Variants in MAGI2 observed in about 807,000 individuals in gnomAD.
MAGI2 encodes the protein membrane-associated guanylate kinase, WW and PDZ domain-containing protein 2.
In MAGI2, 35 loss-of-function variants were observed where a neutral mutation model predicts 133.3. That is an observed-to-expected ratio of 0.26 (90% CI 0.20 to 0.35). The LOEUF (loss-of-function observed/expected upper bound fraction) is 0.35. MAGI2 is among the 10% of genes least tolerant of loss of function. MAGI2 has a pLI of 1.00. For synonymous variants in MAGI2, 729 were observed against 710.6 expected (o/e 1.03, Z -0.41); for missense variants, 1,636 against 1,863.4 (o/e 0.88, Z 2.25).
rs528513970 is a variant in MAGI2, at chr7:79,110,450, G to A, written c.302-103244C>T. Among the ~76,000 whole-genome samples, 5 of 152,268 alleles carry A rather than the reference G, an allele frequency of 3.3e-5. 1 individual carries two copies. In the South Asian group the frequency reaches 1.0e-3, roughly 32 times the overall value. On this transcript the variant is annotated intron_variant, in intron 1 of 21. Transcript: ENST00000354212. ...TTAAGATTTAATGACTGCCTTGATG[G>A]GTTTCAAACTTGCATGGGGCCTATA...
intron 2 of MAGI2, among the ~76,000 whole-genome samples, chr7:78,730,078 C>G (rs1244231563): frequency 6.6e-6 from 1 of 152,040 alleles, no homozygotes; most frequent in Non-Finnish European, 1.5e-5. Flanking sequence ...AAATGCAACT[C>G]AAATTACAAG....
At chr7:78,640,003 CT>C (rs891302480) in intron 2 of MAGI2, among the ~76,000 whole-genome samples, 1 of 152,114 alleles carries the variant, frequency 6.6e-6, no homozygotes, top group Non-Finnish European at 1.5e-5. Context: ...TGATTTCTGC[CT>C]TTTTTGAGAT....
intron 2 of MAGI2, among the ~76,000 whole-genome samples, chr7:78,975,217 A>G (rs1804141526): frequency 2.0e-5 from 3 of 151,738 alleles, no homozygotes; most frequent in Admixed American, 1.3e-4. Context: ...ATCTAACAAG[A>G]GCAAGCGATA....
At chr7:78,528,651 T>C (rs1797182520) in intron 3 of MAGI2, among the ~76,000 whole-genome samples, 1 of 152,190 alleles carries the variant, frequency 6.6e-6, no homozygotes, top group Non-Finnish European at 1.5e-5. Flanking sequence ...TGCAGAATTC[T>C]TTTGTCAACC....
At chr7:79,311,667 G>A (rs1032413792) in intron 1 of MAGI2, among the ~76,000 whole-genome samples, 2 of 151,902 alleles carry the variant, frequency 1.3e-5, no homozygotes, top group African/African-American at 4.8e-5. Context: ...ATGTACTCCA[G>A]CCAGACCATT....
At chr7:79,249,633 T>C (rs978287098) in intron 1 of MAGI2, among the ~76,000 whole-genome samples, 10 of 152,140 alleles carry the variant, frequency 6.6e-5, no homozygotes, top group African/African-American at 2.4e-4. Context: ...CAATAACAAG[T>C]AACAAGATTG....
At chr7:79,397,222 A>G (rs991260) in intron 1 of MAGI2, among the ~76,000 whole-genome samples, 83,029 of 149,346 alleles carry the variant, frequency 0.56, 25,682 homozygotes, top group African/African-American at 0.82. Context: ...ATATGTATAT[A>G]TGCGTGTGTA....
chr7:79,418,382 A>C (rs1846692351), intron 1 of MAGI2, among the ~76,000 whole-genome samples: 1 of 152,120 alleles, frequency 6.6e-6, no homozygotes, highest in Non-Finnish European at 1.5e-5. Context: ...CTCACTGAGC[A>C]GTTCAACGGG....
At chr7:79,183,179 A>G (rs752896039) in intron 1 of MAGI2, among the ~76,000 whole-genome samples, 3 of 151,926 alleles carry the variant, frequency 2.0e-5, no homozygotes, top group Non-Finnish European at 4.4e-5. Context: ...GTATATTTCA[A>G]AATAGCTAGA....
chr7:78,121,231 T>TAA (rs60654902), intron 20 of MAGI2, among the ~76,000 whole-genome samples: 16,583 of 126,392 alleles, frequency 0.13, 1,274 homozygotes, highest in Non-Finnish European at 0.19. Context: ...GCAGAAACTA[T>TAA]AAAAAAAAAA....
chr7:78,527,695 C>T (rs886733125), intron 3 of MAGI2, among the ~76,000 whole-genome samples: 1 of 152,170 alleles, frequency 6.6e-6, no homozygotes, highest in Non-Finnish European at 1.5e-5. Context: ...AATACTTTCA[C>T]TTACTTCCAA....
At chr7:78,753,054 C>A (rs779843860) in intron 2 of MAGI2, among the ~76,000 whole-genome samples, 1 of 152,054 alleles carries the variant, frequency 6.6e-6, no homozygotes, top group African/African-American at 2.4e-5. Context: ...TCAGAAGACA[C>A]AACAGAAAGC....
At chr7:79,094,108 T>A (rs1009981144) in intron 1 of MAGI2, among the ~76,000 whole-genome samples, 21 of 152,220 alleles carry the variant, frequency 1.4e-4, no homozygotes, top group African/African-American at 5.1e-4. Context: ...ATTTGATAGT[T>A]CCCACAGAAC....
intron 1 of MAGI2, among the ~76,000 whole-genome samples, chr7:79,314,812 T>C (rs73375128): frequency 0.047 from 7,176 of 152,210 alleles, 277 homozygotes; most frequent in African/African-American, 0.1. Context: ...GCTGTTCTCT[T>C]ATGCACTCAA....
chr7:79,449,696 C>T (rs1294448198), intron 1 of MAGI2, among the ~76,000 whole-genome samples: 2 of 151,476 alleles, frequency 1.3e-5, no homozygotes, highest in Non-Finnish European at 2.9e-5. Context: ...AAATAAAATG[C>T]CATAGTTTAT....
At chr7:78,215,658 T>C (rs1411016172) in intron 10 of MAGI2, among the ~76,000 whole-genome samples, 1 of 152,170 alleles carries the variant, frequency 6.6e-6, no homozygotes, top group Admixed American at 6.5e-5. Context: ...GTGGGGATTC[T>C]CAACGGCCTC....
intron 10 of MAGI2, among the ~76,000 whole-genome samples, chr7:78,212,395 G>A (rs554633742): frequency 2.2e-4 from 33 of 152,284 alleles, no homozygotes; most frequent in South Asian, 1.7e-3. Flanking sequence ...GAGAGGAAAC[G>A]TTCCTGGCTG....
intron 2 of MAGI2, among the ~76,000 whole-genome samples, chr7:78,843,753 T>C (rs1792344497): frequency 6.6e-6 from 1 of 151,260 alleles, no homozygotes; most frequent in African/African-American, 2.4e-5. Flanking sequence ...GAGAGATGAT[T>C]TATTAACCTA....
chr7:78,109,998 C>G (rs1281299607), intron 20 of MAGI2, among the ~76,000 whole-genome samples: 1 of 152,132 alleles, frequency 6.6e-6, no homozygotes, highest in African/African-American at 2.4e-5. Flanking sequence ...CTGCTCAGGC[C>G]TGAGCACGCC....
Sources: gnomAD v4.1 joint callset for allele counts (sites outside exome capture counted in the v4.1 genomes callset) on GRCh38, gnomAD v4.1.1 for gene constraint, MANE v1.5 for transcripts, NCBI Gene and HGNC (gene_info 2026-07-23, HGNC 2026-07-21) for gene names.